Variants in C10orf67 observed in about 807,000 individuals in gnomAD.
C10orf67 encodes chromosome 10 open reading frame 67, also known as uncharacterized protein C10orf67, mitochondrial.
In C10orf67, 60 loss-of-function variants were observed where a neutral mutation model predicts 35.6. The ratio of observed to expected loss-of-function variants is 1.68; its 90% CI spans 1.37 to 2.09. The LOEUF is 2.09. Among genes scored for constraint, C10orf67 ranks in the 30% most tolerant of loss-of-function variants. C10orf67 has a pLI of 0.00. For synonymous variants in C10orf67, 167 were observed against 115.8 expected, an observed-to-expected ratio of 1.44 and a Z score of -2.84; for missense variants, 474 against 330.2, an observed-to-expected ratio of 1.44 and a Z score of -3.38.
chr10:23,301,893 G>C (rs1844088605), intron 5 of C10orf67, among the ~76,000 whole-genome samples: 1 of 152,344 alleles, frequency 6.6e-6, no homozygotes, highest in East Asian at 1.9e-4. Context: ...AGCCATGCAG[G>C]AACAATGGCA....
At chr10:23,324,596 T>G (rs529313510) in intron 2 of C10orf67, among the ~76,000 whole-genome samples, 1 of 152,300 alleles carries the variant, frequency 6.6e-6, no homozygotes, top group South Asian at 2.1e-4. Context: ...ACCAGTCCTT[T>G]GTGTCTTCTA....
At chr10:23,344,024 C>G (rs986361701) in intron 1 of C10orf67, 3 of 400,122 alleles carry the variant, frequency 7.5e-6, no homozygotes, top group Non-Finnish European at 1.6e-5. Flanking sequence ...GTGCGCCTCC[C>G]GCGGAGCCGC....
At chr10:23,337,715 A>G (rs541060741) in intron 1 of C10orf67, among the ~76,000 whole-genome samples, 2 of 152,312 alleles carry the variant, frequency 1.3e-5, no homozygotes, top group Non-Finnish European at 2.9e-5. Context: ...TAATGAGGGG[A>G]AAAATTGAAC....
chr10:23,321,367 A>G (rs1844949053), intron 3 of C10orf67, among the ~76,000 whole-genome samples: 1 of 152,224 alleles, frequency 6.6e-6, no homozygotes, highest in South Asian at 2.1e-4. Context: ...ACTTTTCTAA[A>G]AAAAATTTGT....
rs1220785741 is a variant in C10orf67 at position 23,246,269 on chromosome 10, G to A, written c.1346+4186C>T. ...CAGGTACTAGGCTGATTACCTGGGTGACAAAATTATCTGTACACCAAACCC... is the reference window on the plus strand; with the variant it reads ...CAGGTACTAGGCTGATTACCTGGGTAACAAAATTATCTGTACACCAAACCC... On this transcript the variant is annotated intron_variant, in intron 12 of 15. Transcript: ENST00000636213. Among the ~76,000 whole-genome samples the A allele has an allele frequency of 2.0e-5, 3 of 152,220 alleles. No individual in the cohort carries two copies. The East Asian group carries it at 5.8e-4, about 29-fold the overall frequency.
chr10:23,285,314 A>T (rs992050990), intron 7 of C10orf67, among the ~76,000 whole-genome samples: 4 of 146,732 alleles, frequency 2.7e-5, no homozygotes, highest in Non-Finnish European at 4.5e-5. Flanking sequence ...AGACAGAATT[A>T]AAAAAAAAAA....
chr10:23,313,887 C>A (rs559463259), intron 4 of C10orf67, among the ~76,000 whole-genome samples: 3 of 152,076 alleles, frequency 2.0e-5, no homozygotes, highest in African/African-American at 7.2e-5. Flanking sequence ...GTGTTTTGAA[C>A]GACCACCCAG....
At chr10:23,212,837 A>G (rs531375703) in intron 15 of C10orf67, among the ~76,000 whole-genome samples, 1 of 147,042 alleles carries the variant, frequency 6.8e-6, no homozygotes, top group South Asian at 2.3e-4. Context: ...TAAGCATGCA[A>G]ACCTAAGTTC....
At chr10:23,240,854 C>T (rs1227256445) in intron 12 of C10orf67, among the ~76,000 whole-genome samples, 1 of 152,066 alleles carries the variant, frequency 6.6e-6, no homozygotes, top group Non-Finnish European at 1.5e-5. Flanking sequence ...ACATGGGAGA[C>T]GTACAAGATT....
intron 10 of C10orf67, among the ~76,000 whole-genome samples, chr10:23,257,837 G>A (rs1329129083): frequency 6.6e-6 from 1 of 151,558 alleles, no homozygotes; most frequent in Non-Finnish European, 1.5e-5. Flanking sequence ...GTCTAGTAGA[G>A]GTAACCATAG....
intron 13 of C10orf67, among the ~76,000 whole-genome samples, chr10:23,227,043 C>T (rs1452912357): frequency 6.6e-6 from 1 of 152,192 alleles, no homozygotes; most frequent in Non-Finnish European, 1.5e-5. Flanking sequence ...CCTTCTGAAA[C>T]TATTCCAATC....
chr10:23,291,127 G>T lies in C10orf67; in HGVS notation c.850+5C>A. On this transcript the variant is annotated splice_donor_5th_base_variant and intron_variant, in intron 6 of 15. Coordinates refer to ENST00000636213, the MANE Select transcript of C10orf67 (RefSeq NM_001371909.1). ...TTTTTCTCAAAAGTGATTTCAAAAT[G>T]TTACCTAATCCTGAATTTTCTTTTA... 1 of 700,686 alleles carries T rather than the reference G, an allele frequency of 1.4e-6. No individual in the cohort carries two copies. The allele number at this position is 700,686 out of a possible 1,614,324, so 43.4% of individuals were successfully genotyped here.
At chr10:23,321,141 A>T (rs1181770359) in intron 3 of C10orf67, among the ~76,000 whole-genome samples, 1 of 152,230 alleles carries the variant, frequency 6.6e-6, no homozygotes, top group Admixed American at 6.5e-5. Context: ...TGTGATGCCT[A>T]TCTTCTTCTA....
At chr10:23,258,802 G>T (rs1842671724) in intron 10 of C10orf67, among the ~76,000 whole-genome samples, 1 of 152,232 alleles carries the variant, frequency 6.6e-6, no homozygotes, top group African/African-American at 2.4e-5. Context: ...ATGGAACATG[G>T]AGGAATAGCA....
chr10:23,307,960 G>T (rs1479542682), intron 4 of C10orf67, among the ~76,000 whole-genome samples: 2 of 152,094 alleles, frequency 1.3e-5, no homozygotes, highest in African/African-American at 4.8e-5. Flanking sequence ...TGTATATCTA[G>T]TCTTTACATC....
At position 23,303,454 on chromosome 10, in the gene C10orf67, G is replaced by A. The variant is rs1194755224; in HGVS notation, c.552C>T (p.Phe184=). 9.0e-6 allele frequency: 5 copies of A among 555,816 alleles called. No individual in the cohort carries two copies. Among genetic ancestry groups the A allele is most frequent in the African/African-American group, 7.8e-5 (4 of 51,130 alleles). 34.4% of individuals were successfully genotyped at this position (555,816 alleles called of 1,614,324 possible). A position where few individuals can be genotyped will look rare whatever the true frequency, so the allele number is the denominator to read the frequency against. ...IAVIKGMYQQ[F]FEVEEENVSL... is the part of the protein sequence containing the mutation. ...AAACATTCTCTTCTTCTACCTCAAA[G>A]AATTGCTAGGGACAAAAAAAAGCAG... The change falls in exon 5 of 16, where the codon TTC becomes TTT. Residue 184 remains phenylalanine (F), a synonymous_variant. Transcript: ENST00000636213.
intron 5 of C10orf67, among the ~76,000 whole-genome samples, chr10:23,301,453 A>G (rs1207360826): frequency 6.6e-6 from 1 of 152,208 alleles, no homozygotes; most frequent in Non-Finnish European, 1.5e-5. Context: ...AATTCTAAGG[A>G]TAGGACAGAA....
chr10:23,259,861 C>T lies in C10orf67; in HGVS notation c.1200+6401G>A, dbSNP rs535480054. On this transcript the variant is annotated intron_variant, in intron 10 of 15. Transcript: ENST00000636213. Reference sequence around the variant, plus strand: ...AAGTTAGGTTAAAAAAAAGACAACTCTCCAAACTGAAACAAAGAAAAAAAG... The same window carrying T: ...AAGTTAGGTTAAAAAAAAGACAACTTTCCAAACTGAAACAAAGAAAAAAAG... Among the ~76,000 whole-genome samples, 4 of 152,166 alleles carry T rather than the reference C, an allele frequency of 2.6e-5. No homozygotes were observed. The South Asian group carries it at 8.3e-4, about 32-fold the overall frequency.
At chr10:23,209,420 A>G (rs1841246176) in intron 15 of C10orf67, among the ~76,000 whole-genome samples, 1 of 152,044 alleles carries the variant, frequency 6.6e-6, no homozygotes, top group Non-Finnish European at 1.5e-5. Context: ...GAAGGATACA[A>G]TGTTTCAGTT....
Sources: allele counts gnomAD v4.1 joint callset (sites outside exome capture counted in the v4.1 genomes callset), GRCh38; gene constraint gnomAD v4.1.1; transcripts MANE v1.5; gene names NCBI Gene and HGNC (gene_info 2026-07-23, HGNC 2026-07-21).